Variants in SKAP1 observed in about 807,000 individuals in gnomAD.
SKAP1 encodes the protein src kinase-associated phosphoprotein 1.
A neutral mutation model predicts 58.5 loss-of-function variants in SKAP1; 44 were observed. The observed-to-expected ratio is 0.75, with a 90% CI of 0.59 to 0.97. The LOEUF is 0.97. Ranked by LOEUF, SKAP1 falls within the 50% of genes least tolerant of loss-of-function variation. SKAP1 has a pLI of 0.00. For synonymous variants in SKAP1, 127 were observed against 149.7 expected, an observed-to-expected ratio of 0.85 and a Z score of 1.11; for missense variants, 390 against 435.2, an observed-to-expected ratio of 0.90 and a Z score of 0.92.
chr17:48,349,574 T>C (rs2066769463), intron 3 of SKAP1, among the ~76,000 whole-genome samples: 1 of 152,214 alleles, frequency 6.6e-6, no homozygotes, highest in Non-Finnish European at 1.5e-5. Context: ...ATATCAAGGG[T>C]TCACCTGCTA....
At chr17:48,146,420 G>A (rs1351003920) in intron 11 of SKAP1, among the ~76,000 whole-genome samples, 1 of 151,374 alleles carries the variant, frequency 6.6e-6, no homozygotes, top group Non-Finnish European at 1.5e-5. Context: ...TTGAACCTAG[G>A]AGGCAGAGGT....
At chr17:48,339,259 A>C (rs1334656791) in intron 4 of SKAP1, among the ~76,000 whole-genome samples, 3 of 152,370 alleles carry the variant, frequency 2.0e-5, no homozygotes, top group South Asian at 2.1e-4. Flanking sequence ...AGATCAAAGC[A>C]GTTGTCTGAA....
intron 4 of SKAP1, among the ~76,000 whole-genome samples, chr17:48,198,770 TC>T (rs1265997690): frequency 6.6e-6 from 1 of 152,176 alleles, no homozygotes; most frequent in Non-Finnish European, 1.5e-5. Flanking sequence ...TAACCCAACA[TC>T]CTCAGCTTCA....
intron 2 of SKAP1, among the ~76,000 whole-genome samples, chr17:48,373,042 G>C (rs1488883289): frequency 6.6e-6 from 1 of 152,156 alleles, no homozygotes; most frequent in Admixed American, 6.5e-5. Flanking sequence ...CTAAGTGGCA[G>C]AACCAAGATT....
chr17:48,366,187 T>C (rs919300309), intron 2 of SKAP1, among the ~76,000 whole-genome samples: 2 of 152,220 alleles, frequency 1.3e-5, no homozygotes, highest in African/African-American at 2.4e-5. Context: ...ATTTCTTTAG[T>C]GTGTGACAAA....
intron 7 of SKAP1, among the ~76,000 whole-genome samples, chr17:48,183,080 C>T (rs3792694): frequency 0.56 from 84,907 of 151,906 alleles, 24,714 homozygotes; most frequent in East Asian, 0.77. Flanking sequence ...AGAGAAGAGT[C>T]GGTAAAAGGG....
chr17:48,419,265 T>C, intron 1 of SKAP1, among the ~76,000 whole-genome samples: 1 of 151,106 alleles, frequency 6.6e-6, no homozygotes, highest in African/African-American at 2.4e-5. Flanking sequence ...CAAAAAGTTA[T>C]GAGAAAGAAA....
chr17:48,245,170 A>C (rs1018841943), intron 4 of SKAP1, among the ~76,000 whole-genome samples: 2 of 152,182 alleles, frequency 1.3e-5, no homozygotes, highest in African/African-American at 4.8e-5. Context: ...GAACCTGGAA[A>C]ATAGTAGGTA....
intron 4 of SKAP1, among the ~76,000 whole-genome samples, chr17:48,290,498 T>G (rs2065886658): frequency 2.0e-5 from 3 of 152,210 alleles, no homozygotes; most frequent in Admixed American, 2.0e-4. Context: ...TTCCCCAGCC[T>G]CTTTTATTCT....
At chr17:48,197,277 A>AAAG (rs60269878) in intron 4 of SKAP1, among the ~76,000 whole-genome samples, 1 of 148,386 alleles carries the variant, frequency 6.7e-6, no homozygotes, top group African/African-American at 2.5e-5. Flanking sequence ...AAAAAAAAAA[A>AAAG]TGCTGATTGG....
intron 4 of SKAP1, among the ~76,000 whole-genome samples, chr17:48,334,351 C>G (rs1462458247): frequency 6.6e-6 from 1 of 151,876 alleles, no homozygotes; most frequent in East Asian, 1.9e-4. Flanking sequence ...CAAGTAAAGA[C>G]AGATCCCTTC....
chr17:48,343,063 A>G (rs2144318834), intron 4 of SKAP1, among the ~76,000 whole-genome samples: 1 of 152,250 alleles, frequency 6.6e-6, no homozygotes, highest in East Asian at 1.9e-4. Flanking sequence ...AAAGACACTA[A>G]CTTTATATTT....
chr17:48,435,475 G>C, the SKAP1 span, among the ~76,000 whole-genome samples: 608 of 152,274 alleles, frequency 4.0e-3, 8 homozygotes, highest in African/African-American at 0.014. Flanking sequence ...ATCTGCATGA[G>C]AGCAGATGAG....
rs147803590 is a variant in SKAP1 at position 48,424,521 on chromosome 17, G to A, written c.46+5554C>T. Among the ~76,000 whole-genome samples, 39 of 149,384 alleles carry A rather than the reference G, an allele frequency of 2.6e-4. No homozygotes were observed. The East Asian group carries it at 7.1e-3, about 27-fold the overall frequency. On this transcript the variant is annotated intron_variant, in intron 1 of 12. Transcript: ENST00000336915. ...ATTACAGGCGTGAGCCACCGCGCCC[G>A]GCCCTCTGGGACCTCTTTTATAAGG...
At chr17:48,152,877 C>T (rs548084058) in intron 11 of SKAP1, among the ~76,000 whole-genome samples, 1 of 152,302 alleles carries the variant, frequency 6.6e-6, no homozygotes, top group South Asian at 2.1e-4. Flanking sequence ...GAATTTTTTA[C>T]ACTGGAGTTT....
Position 48,325,179 on chromosome 17 carries a change from G to T in SKAP1, c.280+20726C>A, listed in dbSNP as rs1462292393. On this transcript the variant is annotated intron_variant, in intron 4 of 12. Transcript: ENST00000336915. Reference sequence around the variant, plus strand: ...CAGGAGAATGGCGTGAACCCGGGAGGCGGAGCTTGCAGTGAGCGGAGAGCA... The same window carrying T: ...CAGGAGAATGGCGTGAACCCGGGAGTCGGAGCTTGCAGTGAGCGGAGAGCA... 2.0e-5 allele frequency among the ~76,000 whole-genome samples: 3 copies of T among 149,898 alleles called. No homozygotes were observed. In the East Asian group the frequency reaches 5.9e-4, roughly 29 times the overall value.
At chr17:48,264,782 A>ACACACACACACAC (rs1555609823) in intron 4 of SKAP1, among the ~76,000 whole-genome samples, 1 of 146,972 alleles carries the variant, frequency 6.8e-6, no homozygotes, top group African/African-American at 2.5e-5. Context: ...ACACACACAC[A>ACACACACACACAC]CCCTCCATCT....
rs374296113 is a variant in SKAP1 at position 48,252,050 on chromosome 17, G to A, written c.281-62550C>T. ...ATAACTGCACAGATTTTAACGCTAA[G>A]AATTTACTGTGCCTCTGCAGCAGCT... On this transcript the variant is annotated intron_variant, in intron 4 of 12. Coordinates refer to ENST00000336915, the MANE Select transcript of SKAP1 (RefSeq NM_003726.4). 3.9e-3 allele frequency among the ~76,000 whole-genome samples: 589 copies of A among 152,258 alleles called. 28 individuals carry two copies. The South Asian group carries it at 0.1, about 26-fold the overall frequency.
chr17:48,171,540 G>A (rs994658299), intron 9 of SKAP1, among the ~76,000 whole-genome samples: 1 of 152,172 alleles, frequency 6.6e-6, no homozygotes, highest in Non-Finnish European at 1.5e-5. Context: ...CTGGGGACAA[G>A]CAATAAACAA....
Sources: gnomAD v4.1 joint callset for allele counts (sites outside exome capture counted in the v4.1 genomes callset) on GRCh38, gnomAD v4.1.1 for gene constraint, MANE v1.5 for transcripts, NCBI Gene and HGNC (gene_info 2026-07-23, HGNC 2026-07-21) for gene names.